SLC9A3: variants seen among roughly 807,000 people sequenced by gnomAD.
SLC9A3 encodes the protein solute carrier family 9 member A3.
In SLC9A3, 37 loss-of-function variants were observed where a neutral mutation model predicts 86.8. The observed-to-expected ratio is 0.43, with a 90% CI of 0.33 to 0.56. The LOEUF (loss-of-function observed/expected upper bound fraction) is 0.56, where lower values mean the gene tolerates loss of function less well. Ranked by LOEUF, SLC9A3 falls within the 20% of genes least tolerant of loss-of-function variation. SLC9A3 has a pLI of 0.06. For synonymous variants in SLC9A3, 581 were observed against 528.3 expected (o/e 1.10, Z -1.37); for missense variants, 1,011 against 1,171.9 (o/e 0.86, Z 2.00).
chr5:507,821 TC>T (rs1740679589), intron 1 of SLC9A3, among the ~76,000 whole-genome samples: 1 of 47,766 alleles, frequency 2.1e-5, no homozygotes, highest in African/African-American at 7.2e-5. Flanking sequence ...GACGCCCGAA[TC>T]CTCACCCCAC....
intron 16 of SLC9A3, 97 bp downstream of exon 16, chr5:474,786 A>C: frequency 1.9e-5 from 1 of 53,798 alleles, no homozygotes; most frequent in Admixed American, 3.5e-4. Flanking sequence ...GAGAGGGGTT[A>C]GGCGGGGAGG....
At chr5:490,475 C>T (rs111582653) in intron 2 of SLC9A3, among the ~76,000 whole-genome samples, 5 of 152,308 alleles carry the variant, frequency 3.3e-5, no homozygotes, top group African/African-American at 7.2e-5. Context: ...AAGGGAAATC[C>T]GGCAGTGTCT....
intron 1 of SLC9A3, among the ~76,000 whole-genome samples, chr5:512,725 C>T (rs1476347794): frequency 6.6e-6 from 1 of 152,042 alleles, no homozygotes. Context: ...GGGGGGCACT[C>T]CTTTTGGGGT....
intron 2 of SLC9A3, among the ~76,000 whole-genome samples, chr5:489,139 G>C (rs540937481): frequency 7.9e-5 from 12 of 152,280 alleles, no homozygotes; most frequent in African/African-American, 2.9e-4. Context: ...AGGAGGCCAC[G>C]TGGGGGTGCC....
intron 1 of SLC9A3, among the ~76,000 whole-genome samples, chr5:516,520 G>A (rs1022608543): frequency 2.0e-5 from 3 of 152,254 alleles, no homozygotes; most frequent in Non-Finnish European, 4.4e-5. Flanking sequence ...GTCAGGGCCT[G>A]CCCAGGGTGT....
At chr5:506,139 G>T (rs1026917982) in intron 1 of SLC9A3, among the ~76,000 whole-genome samples, 1 of 152,082 alleles carries the variant, frequency 6.6e-6, no homozygotes, top group African/African-American at 2.4e-5. Flanking sequence ...TGCTCACGTG[G>T]CCACAGCCGC....
chr5:486,376 A>C (rs1448156734), intron 3 of SLC9A3, among the ~76,000 whole-genome samples: 1 of 152,202 alleles, frequency 6.6e-6, no homozygotes, highest in Non-Finnish European at 1.5e-5. Context: ...TCCGGGAGGC[A>C]GTGGCCCCAT....
intron 6 of SLC9A3, 126 bp downstream of exon 6, chr5:483,136 G>T: frequency 1.3e-6 from 1 of 745,094 alleles, no homozygotes; most frequent in Non-Finnish European, 2.2e-6. Flanking sequence ...CCACCATCAG[G>T]TCCTCTCCTC....
At chr5:494,582 G>T (rs1426654019) in intron 1 of SLC9A3, among the ~76,000 whole-genome samples, 1 of 152,176 alleles carries the variant, frequency 6.6e-6, no homozygotes, top group Non-Finnish European at 1.5e-5. Context: ...TTTTAATAAT[G>T]TCCAGAGAGA....
At position 488,357 on chromosome 5, in the gene SLC9A3, T is replaced by G. The variant is rs1739565607; in HGVS notation, c.634A>C (p.Ile212Leu). The change falls in exon 3 of 17, where the codon ATC becomes CTC. Residue 212 changes from isoleucine (I) to leucine (L), a missense_variant. By Grantham distance (5) the Ile-to-Leu change is conservative. Transcript: ENST00000264938. ...TTCAGCAGCGACTCCCCGAAGACGA[T>G]GATGAACAGGACCTCGTTGACATGG... Reference protein sequence around the residue: ...EVHVNEVLFIIVFGESLLNDA... With the variant: ...EVHVNEVLFILVFGESLLNDA... The G allele has an allele frequency of 6.2e-7, 1 of 1,612,520 alleles. No individual in the cohort carries two copies. The highest frequency in any genetic ancestry group is 8.5e-7 in the Non-Finnish European group (1 of 1,179,798).
chr5:499,388 T>A (rs889360033), intron 1 of SLC9A3, among the ~76,000 whole-genome samples: 3 of 152,238 alleles, frequency 2.0e-5, no homozygotes, highest in Non-Finnish European at 4.4e-5. Context: ...CGGGCAGTGC[T>A]GTCCACATGC....
At chr5:502,849 C>T (rs1212525080) in intron 1 of SLC9A3, among the ~76,000 whole-genome samples, 1 of 151,206 alleles carries the variant, frequency 6.6e-6, no homozygotes, top group Non-Finnish European at 1.5e-5. Flanking sequence ...CGTAATGACA[C>T]AGATGGGCGC....
chr5:506,199 G>C (rs989916802), intron 1 of SLC9A3, among the ~76,000 whole-genome samples: 1 of 152,138 alleles, frequency 6.6e-6, no homozygotes, highest in Non-Finnish European at 1.5e-5. Flanking sequence ...ACTTTGTCAC[G>C]AGCTTTGCCC....
In SLC9A3 at chr5:502,453, C is replaced by T. The variant is rs149454709; in HGVS notation, c.212-10382G>A. ...CAAGCTTCAGCTACCGCAGACCCAG[C>T]GGCGCCTACCAGGGGCCGCAGCGGA... On this transcript the variant is annotated intron_variant, in intron 1 of 16. Coordinates refer to ENST00000264938, the MANE Select transcript of SLC9A3 (RefSeq NM_004174.4). 7.2e-5 allele frequency among the ~76,000 whole-genome samples: 11 copies of T among 152,378 alleles called. No individual in the cohort carries two copies. The East Asian group carries it at 1.5e-3, about 21-fold the overall frequency.
chr5:514,038 C>T (rs1733653149), intron 1 of SLC9A3, among the ~76,000 whole-genome samples: 1 of 152,234 alleles, frequency 6.6e-6, no homozygotes, highest in Admixed American at 6.5e-5. Flanking sequence ...GGGCAAAATC[C>T]AGAGAAGCAG....
At chr5:498,169 C>T (rs538465970) in intron 1 of SLC9A3, among the ~76,000 whole-genome samples, 4 of 152,352 alleles carry the variant, frequency 2.6e-5, no homozygotes, top group South Asian at 2.1e-4. Context: ...TTCGGGGCCA[C>T]GTCTCGGTCC....
At chr5:516,946 A>G (rs766764937) in intron 1 of SLC9A3, among the ~76,000 whole-genome samples, 5 of 152,310 alleles carry the variant, frequency 3.3e-5, no homozygotes, top group Non-Finnish European at 1.5e-5. Context: ...CAGTGTCCAG[A>G]TGGTTTTGGA....
chr5:505,529 A>G (rs1312928322), intron 1 of SLC9A3, among the ~76,000 whole-genome samples: 1 of 894 alleles, frequency 1.1e-3, no homozygotes, highest in Non-Finnish European at 1.9e-3. Flanking sequence ...CCACGGGGGG[A>G]GAGTGACTGG....
rs1739301392 is a variant in SLC9A3 at position 483,244 on chromosome 5, A to G, written c.1153+18T>C. 1.3e-6 allele frequency: 2 copies of G among 1,524,274 alleles called. No homozygotes were observed. The highest frequency in any genetic ancestry group is 2.8e-5 in the African/African-American group (2 of 72,290). The allele number at this position is 1,524,274 out of a possible 1,614,324, so 94.4% of individuals were successfully genotyped here. On this transcript the variant is annotated intron_variant, in intron 6 of 16. Coordinates refer to ENST00000264938, the MANE Select transcript of SLC9A3 (RefSeq NM_004174.4). ...GGCCCATCGGTGGTCCCACGGCCGCAACCCGGCCCCGCCTCACCGATGGCC... is the reference window on the plus strand; with the variant it reads ...GGCCCATCGGTGGTCCCACGGCCGCGACCCGGCCCCGCCTCACCGATGGCC...
Sources: gnomAD v4.1 joint callset for allele counts (sites outside exome capture counted in the v4.1 genomes callset) on GRCh38, gnomAD v4.1.1 for gene constraint, MANE v1.5 for transcripts, NCBI Gene and HGNC (gene_info 2026-07-23, HGNC 2026-07-21) for gene names.